The following SYN2 variants were observed in gnomAD, a reference collection of about 807,000 sequenced individuals.
SYN2 encodes synapsin II.
A neutral mutation model predicts 50.9 loss-of-function variants in SYN2; 19 were observed. The ratio of observed to expected loss-of-function variants is 0.37; its 90% CI spans 0.26 to 0.55. SYN2 has a LOEUF of 0.55. SYN2 is among the 20% of genes least tolerant of loss of function. SYN2 has a pLI of 0.81. For missense variants in SYN2, 587 were observed against 576.4 expected (o/e 1.02, Z -0.19); for synonymous variants, 255 against 224.9 (o/e 1.13, Z -1.20).
At chr3:12,054,410 T>C (rs1174036305) in intron 1 of SYN2, among the ~76,000 whole-genome samples, 2 of 152,150 alleles carry the variant, frequency 1.3e-5, no homozygotes, top group African/African-American at 4.8e-5. Flanking sequence ...TTGGGGTGTA[T>C]AGCCGGTTGA....
intron 1 of SYN2, among the ~76,000 whole-genome samples, chr3:12,050,628 G>A (rs1694835316): frequency 6.7e-6 from 1 of 149,342 alleles, no homozygotes; most frequent in East Asian, 2.0e-4. Context: ...ACAGGCGTGA[G>A]CCACTTTGCC....
intron 1 of SYN2, among the ~76,000 whole-genome samples, chr3:12,048,229 C>T (rs1694784644): frequency 6.6e-6 from 1 of 152,202 alleles, no homozygotes; most frequent in South Asian, 2.1e-4. Flanking sequence ...GGCTGGAGTG[C>T]AGTGGTATGA....
intron 1 of SYN2, chr3:12,071,221 A>C: frequency 1.8e-6 from 1 of 553,922 alleles, no homozygotes; most frequent in East Asian, 4.7e-5. Flanking sequence ...GAAGATCAAG[A>C]TCATCGTGCC....
At chr3:12,185,115 A>G (rs761486010) in intron 11 of SYN2, 15 of 985,696 alleles carry the variant, frequency 1.5e-5, no homozygotes, top group Non-Finnish European at 1.7e-5. Context: ...CTCAGCTGAT[A>G]ATGGTAGTTG....
chr3:12,014,065 C>A (rs567143393), intron 1 of SYN2, among the ~76,000 whole-genome samples: 10 of 152,194 alleles, frequency 6.6e-5, no homozygotes, highest in African/African-American at 1.7e-4. Context: ...GCGTCTATGC[C>A]CCCTCCATGC....
intron 1 of SYN2, among the ~76,000 whole-genome samples, chr3:12,050,840 A>G (rs1004398339): frequency 1.4e-5 from 2 of 141,194 alleles, no homozygotes; most frequent in African/African-American, 5.2e-5. Context: ...GGTTCACGCC[A>G]TTCTCCTGCC....
intron 1 of SYN2, among the ~76,000 whole-genome samples, chr3:12,127,554 C>T (rs987971163): frequency 6.6e-6 from 1 of 152,206 alleles, no homozygotes; most frequent in African/African-American, 2.4e-5. Flanking sequence ...TGCCAGTTCT[C>T]CCAGCCTGCC....
intron 1 of SYN2, among the ~76,000 whole-genome samples, chr3:12,061,238 A>G (rs1211208255): frequency 6.6e-6 from 1 of 152,162 alleles, no homozygotes; most frequent in East Asian, 1.9e-4. Context: ...AGATATTTTC[A>G]ATAGGTATAA....
intron 1 of SYN2, among the ~76,000 whole-genome samples, chr3:12,135,411 C>A (rs1574959421): frequency 1.3e-5 from 2 of 152,190 alleles, no homozygotes; most frequent in South Asian, 2.1e-4. Context: ...AAACTAGCAC[C>A]TTGTTAAAGG....
intron 1 of SYN2, among the ~76,000 whole-genome samples, chr3:12,007,569 T>A (rs1693825117): frequency 6.6e-6 from 1 of 152,196 alleles, no homozygotes; most frequent in Admixed American, 6.5e-5. Context: ...CTAGATAGTA[T>A]TCAATGAGTG....
intron 5 of SYN2, chr3:12,158,781 C>T (rs566263904): frequency 5.6e-6 from 9 of 1,603,968 alleles, no homozygotes; most frequent in African/African-American, 2.7e-5. Flanking sequence ...GGGGCCGCAG[C>T]AACGCCAGCA....
In SYN2 at chr3:12,004,568, G is replaced by A; in HGVS notation, c.17G>A (p.Arg6Gln). 1.5e-6 allele frequency: 1 copy of A among 671,462 alleles called. No homozygotes were observed. The highest frequency in any genetic ancestry group is 2.8e-6 in the Non-Finnish European group (1 of 361,162). The allele number at this position is 671,462 out of a possible 1,614,324, so 41.6% of individuals were successfully genotyped here. A position where few individuals can be genotyped will look rare whatever the true frequency, so the allele number is the denominator to read the frequency against. MMNFL[R>Q]RRLSDSSFIA... ...TTAAGCCAGATGATGAACTTCCTGCGGCGCCGGCTGTCGGACAGCAGCTTC... is the reference window on the plus strand; with the variant it reads ...TTAAGCCAGATGATGAACTTCCTGCAGCGCCGGCTGTCGGACAGCAGCTTC... Residue 6 changes from arginine (R) to glutamine (Q), a missense_variant, in exon 1 of 13, where the codon CGG (arginine) becomes CAG (glutamine). By Grantham distance (43) the Arg-to-Gln change is conservative (BLOSUM62 1). Coordinates refer to ENST00000621198, the MANE Select transcript of SYN2 (RefSeq NM_133625.6).
intron 1 of SYN2, among the ~76,000 whole-genome samples, chr3:12,094,681 C>G (rs143121915): frequency 6.6e-6 from 1 of 152,084 alleles, no homozygotes; most frequent in Non-Finnish European, 1.5e-5. Context: ...ATTTAAGGGG[C>G]CTTTGAGTGC....
chr3:12,028,183 T>C (rs1381776441), intron 1 of SYN2, among the ~76,000 whole-genome samples: 3 of 151,758 alleles, frequency 2.0e-5, no homozygotes, highest in African/African-American at 2.4e-5. Flanking sequence ...ATTTCATCCA[T>C]GTCCCTACAA....
intron 1 of SYN2, among the ~76,000 whole-genome samples, chr3:12,044,758 T>C (rs1310772210): frequency 6.6e-6 from 1 of 152,106 alleles, no homozygotes; most frequent in Admixed American, 6.5e-5. Context: ...AAAATACCTA[T>C]AGTACAGGTT....
chr3:12,184,854 G>A (rs992848247), intron 11 of SYN2: 51 of 985,596 alleles, frequency 5.2e-5, no homozygotes, highest in Admixed American at 4.9e-4. Context: ...ACCATGGTCC[G>A]TGGAAGTTCA....
intron 10 of SYN2, among the ~76,000 whole-genome samples, chr3:12,176,660 C>G (rs576210978): frequency 6.6e-6 from 1 of 152,182 alleles, no homozygotes; most frequent in Non-Finnish European, 1.5e-5. Flanking sequence ...ACTCTAACTC[C>G]GATCAGAATG....
At chr3:12,163,933 T>C (rs1697719619) in intron 7 of SYN2, among the ~76,000 whole-genome samples, 1 of 151,980 alleles carries the variant, frequency 6.6e-6, no homozygotes, top group African/African-American at 2.4e-5. Context: ...AAAAATTAGC[T>C]GGATGTGGTG....
chr3:12,146,187 A>G (rs1697147567), intron 4 of SYN2, among the ~76,000 whole-genome samples: 1 of 152,244 alleles, frequency 6.6e-6, no homozygotes, highest in South Asian at 2.1e-4. Flanking sequence ...ATAGGCTGCA[A>G]TGATAAAAAT....
Sources: allele counts gnomAD v4.1 joint callset (sites outside exome capture counted in the v4.1 genomes callset), GRCh38; gene constraint gnomAD v4.1.1; transcripts MANE v1.5; gene names NCBI Gene and HGNC (gene_info 2026-07-23, HGNC 2026-07-21).